The following CPAMD8 variants were observed in gnomAD, a reference collection of about 807,000 sequenced individuals.
CPAMD8 encodes the protein C3 and PZP-like alpha-2-macroglobulin domain-containing protein 8.
In CPAMD8, 146 loss-of-function variants were observed where a neutral mutation model predicts 224.7. The ratio of observed to expected loss-of-function variants is 0.65; its 90% CI spans 0.57 to 0.75. The LOEUF (loss-of-function observed/expected upper bound fraction) is 0.75. Ranked by LOEUF, CPAMD8 falls within the 30% of genes least tolerant of loss-of-function variation. CPAMD8 has a pLI of 0.00. For synonymous variants in CPAMD8, 966 were observed against 1,044.6 expected (o/e 0.92, Z 1.45); for missense variants, 2,301 against 2,537.5 (o/e 0.91, Z 2.00).
At chr19:16,981,480 T>A (rs879576240) in intron 13 of CPAMD8, among the ~76,000 whole-genome samples, 3 of 152,150 alleles carry the variant, frequency 2.0e-5, no homozygotes, top group African/African-American at 7.2e-5. Context: ...AGTCCCCAAG[T>A]TCCTAGAGGG....
At chr19:16,893,868 C>G (rs1203047754) in intron 41 of CPAMD8, 2 of 158,668 alleles carry the variant, frequency 1.3e-5, no homozygotes, top group African/African-American at 4.8e-5. Flanking sequence ...GGTGCGAGAG[C>G]TGGGACAGTC....
intron 20 of CPAMD8, among the ~76,000 whole-genome samples, chr19:16,947,867 ATG>A (rs2054158370): frequency 6.6e-6 from 1 of 152,170 alleles, no homozygotes; most frequent in Non-Finnish European, 1.5e-5. Flanking sequence ...TTCTGCATGC[ATG>A]TGTGTGCCTA....
At chr19:16,926,948 C>T (rs536687184) in intron 25 of CPAMD8, among the ~76,000 whole-genome samples, 5 of 152,258 alleles carry the variant, frequency 3.3e-5, no homozygotes, top group African/African-American at 9.6e-5. Flanking sequence ...CCAGGGCCTC[C>T]ACCCTCTGAT....
At chr19:16,985,028 T>A (rs1257800423) in intron 13 of CPAMD8, among the ~76,000 whole-genome samples, 1 of 152,218 alleles carries the variant, frequency 6.6e-6, no homozygotes, top group East Asian at 1.9e-4. Flanking sequence ...AATTAGACAA[T>A]ATAATTTGGT....
At chr19:16,967,862 C>A (rs200091520) in intron 18 of CPAMD8, among the ~76,000 whole-genome samples, 1 of 1,874 alleles carries the variant, frequency 5.3e-4, no homozygotes, top group Non-Finnish European at 1.4e-3. Context: ...CGTGTATATA[C>A]TTGTATATAT....
chr19:16,999,786 C>T (rs957197532), intron 10 of CPAMD8, among the ~76,000 whole-genome samples: 2 of 152,048 alleles, frequency 1.3e-5, no homozygotes, highest in African/African-American at 4.8e-5. Flanking sequence ...ATATTAAGAG[C>T]TGGGACTCCA....
At chr19:16,979,401 T>TCCATCCAC in intron 14 of CPAMD8, among the ~76,000 whole-genome samples, 1 of 149,202 alleles carries the variant, frequency 6.7e-6, no homozygotes, top group African/African-American at 2.5e-5. Flanking sequence ...CATCCATCCA[T>TCCATCCAC]CCATCCATCC....
chr19:16,945,449 C>G, intron 22 of CPAMD8, 100 bp downstream of exon 22: 1 of 1,488,182 alleles, frequency 6.7e-7, no homozygotes, highest in African/African-American at 1.4e-5. Context: ...GCTGCCCAGG[C>G]CCTGGCTCAG....
rs369985652 is a variant in CPAMD8 at position 16,997,191 on chromosome 19, C to T, written c.1015G>A (p.Val339Met). 9.9e-5 allele frequency: 157 copies of T among 1,584,584 alleles called. 1 individual carries two copies. The East Asian group carries it at 2.1e-3, about 21-fold the overall frequency. ...QQVAFDDSTP[V>M]QRQLVDIRYS... The stretch of plus-strand genomic sequence containing the variant: ...CGGATGTCCACCAGCTGCCTCTGCA[C>T]GGGGGTGGAGTCATCGAACGCGACC... Residue 339 changes from valine to methionine, a missense_variant, in exon 11 of 42, where the codon GTG (valine) becomes ATG (methionine). This residue lies in a region of CPAMD8 where 301 missense variants were observed against 406.6 expected (regional missense o/e 0.74). Transcript: ENST00000443236.
Position 16,898,508 on chromosome 19 carries a change from G to T in CPAMD8, c.4849-514C>A, listed in dbSNP as rs926610579. Among the ~76,000 whole-genome samples the T allele has an allele frequency of 6.6e-6, 1 of 152,078 alleles. No individual in the cohort carries two copies. The highest frequency in any genetic ancestry group is 2.4e-5 in the African/African-American group (1 of 41,386). On this transcript the variant is annotated intron_variant, in intron 37 of 41. Coordinates refer to ENST00000443236, the MANE Select transcript of CPAMD8 (RefSeq NM_015692.5). The surrounding 1 kb of genome is among the most constrained non-coding windows in gnomAD (Gnocchi z 4.2). ...CACGCATGGCTGAGCATGTGTGGGTGGGAGTCAGCACATTCACGATACTGT... is the reference window on the plus strand; with the variant it reads ...CACGCATGGCTGAGCATGTGTGGGTTGGAGTCAGCACATTCACGATACTGT...
chr19:16,959,953 G>GGCAGAGTCCATCTTTAAACAGTCGT (rs1209912367), intron 18 of CPAMD8, among the ~76,000 whole-genome samples: 2 of 152,140 alleles, frequency 1.3e-5, no homozygotes, highest in Non-Finnish European at 2.9e-5. Context: ...TCAAAGGCTT[G>GGCAGAGTCCATCTTTAAACAGTCGT]GCAGAGTCCA....
chr19:16,939,054 C>T (rs1464070197), intron 22 of CPAMD8, among the ~76,000 whole-genome samples: 1 of 152,172 alleles, frequency 6.6e-6, no homozygotes, highest in Non-Finnish European at 1.5e-5. Flanking sequence ...CCAACACGGC[C>T]CCTGTGGGGG....
chr19:16,895,106 T>C (rs1027633675), intron 41 of CPAMD8: 2 of 152,770 alleles, frequency 1.3e-5, no homozygotes, highest in Non-Finnish European at 2.9e-5. Flanking sequence ...CAGTGAGACC[T>C]CGTTTGAAAA....
Position 16,907,009 on chromosome 19 carries a change from G to A in CPAMD8, c.3970C>T (p.Arg1324Cys), listed in dbSNP as rs770723878. 24 of 1,605,396 alleles carry A rather than the reference G, an allele frequency of 1.5e-5. No individual in the cohort carries two copies. The South Asian group carries it at 1.9e-4, about 13-fold the overall frequency. ...AGTGCCTCAGGGGCTGCCGGGCTGC[G>A]GAGCAGGGTCAGCGCGTAGGTAGTC... ...ALTTYALTLL[R>C]SPAAPEALRK... Residue 1324 changes from arginine to cysteine, a missense_variant, in exon 30 of 42, where the codon CGC (arginine) becomes TGC (cysteine). By Grantham distance (180) the Arg-to-Cys change is radical. Around this residue, in one of 4 missense-constraint regions of CPAMD8, gnomAD observed 1,709 missense variants for 1,753.2 expected, o/e 0.97. Coordinates refer to ENST00000443236, the MANE Select transcript of CPAMD8 (RefSeq NM_015692.5).
chr19:16,978,388 T>G (rs1333089198), intron 14 of CPAMD8, among the ~76,000 whole-genome samples: 1 of 151,850 alleles, frequency 6.6e-6, no homozygotes, highest in Non-Finnish European at 1.5e-5. Context: ...TGGGGACAGA[T>G]TGTGGGGAGT....
intron 30 of CPAMD8, among the ~76,000 whole-genome samples, chr19:16,905,496 C>T (rs1277055759): frequency 3.0e-5 from 4 of 133,532 alleles, no homozygotes; most frequent in East Asian, 2.1e-4. Context: ...TAGGAGATCA[C>T]GCCATTGCAC....
chr19:17,013,073 C>A (rs1056224968), intron 3 of CPAMD8, among the ~76,000 whole-genome samples: 1 of 151,814 alleles, frequency 6.6e-6, no homozygotes, highest in African/African-American at 2.4e-5. Context: ...CCCAGCTACT[C>A]GGGAGGCTGA....
At chr19:17,026,239 C>G (rs1241071916) in intron 1 of CPAMD8, among the ~76,000 whole-genome samples, 2 of 152,212 alleles carry the variant, frequency 1.3e-5, no homozygotes, top group Admixed American at 1.3e-4. Context: ...AGACGCTCCT[C>G]TTACCTTCAT....
chr19:16,973,614 G>T (rs2055142665), intron 17 of CPAMD8, among the ~76,000 whole-genome samples: 1 of 151,994 alleles, frequency 6.6e-6, no homozygotes, highest in African/African-American at 2.4e-5. Flanking sequence ...CTCCCAAAGT[G>T]CTGGGATTAC....
Sources: allele counts gnomAD v4.1 joint callset (sites outside exome capture counted in the v4.1 genomes callset), GRCh38; gene constraint gnomAD v4.1.1; regional missense constraint gnomAD v4.1.1; non-coding constraint Gnocchi (gnomAD v3.1); transcripts MANE v1.5; gene names NCBI Gene and HGNC (gene_info 2026-07-23, HGNC 2026-07-21).